PTPRD: variants seen among roughly 807,000 people sequenced by gnomAD.
The protein encoded by PTPRD is protein tyrosine phosphatase receptor type D, also known as receptor-type tyrosine-protein phosphatase delta.
Under a neutral mutation model 214.5 loss-of-function variants are expected in PTPRD, and 34 were observed. The observed-to-expected ratio is 0.16, with a 90% CI of 0.12 to 0.21. The LOEUF (loss-of-function observed/expected upper bound fraction) is 0.21, where lower values mean the gene tolerates loss of function less well. Among genes scored for constraint, PTPRD ranks in the 10% least tolerant of loss-of-function variants. The pLI is 1.00. For missense variants in PTPRD, 2,545 were observed against 2,398.7 expected (o/e 1.06, Z -1.27); for synonymous variants, 1,128 against 845.7 (o/e 1.33, Z -5.79).
intron 43 of PTPRD, among the ~76,000 whole-genome samples, chr9:8,337,457 G>A (rs895439312): frequency 4.6e-5 from 7 of 151,326 alleles, no homozygotes; most frequent in Non-Finnish European, 8.8e-5. Context: ...TTGCGGGTTT[G>A]GAGTCTAGGG....
At chr9:9,559,987 G>C (rs142308211) in intron 8 of PTPRD, among the ~76,000 whole-genome samples, 29 of 152,300 alleles carry the variant, frequency 1.9e-4, no homozygotes, top group African/African-American at 7.0e-4. Context: ...GGATTGCCAA[G>C]TCCACATGTG....
chr9:10,592,026 C>T (rs1466463573), intron 2 of PTPRD, among the ~76,000 whole-genome samples: 1 of 152,094 alleles, frequency 6.6e-6, no homozygotes, highest in East Asian at 1.9e-4. Context: ...TTTTAAGTCA[C>T]TCAGCATAAG....
At chr9:10,333,202 T>G (rs1428795247) in intron 3 of PTPRD, among the ~76,000 whole-genome samples, 2 of 151,750 alleles carry the variant, frequency 1.3e-5, no homozygotes, top group Non-Finnish European at 2.9e-5. Flanking sequence ...CTCCGATTAG[T>G]GCAGTTTGCC....
At chr9:9,584,819 G>C (rs1037580271) in intron 7 of PTPRD, among the ~76,000 whole-genome samples, 1 of 151,700 alleles carries the variant, frequency 6.6e-6, no homozygotes, top group African/African-American at 2.4e-5. Flanking sequence ...TATCTCTCTG[G>C]AGAACTTTGC....
chr9:9,767,081 C>T (rs2098712886), intron 5 of PTPRD, among the ~76,000 whole-genome samples: 1 of 151,184 alleles, frequency 6.6e-6, no homozygotes, highest in African/African-American at 2.4e-5. Flanking sequence ...TAATTTGAAC[C>T]CAAAGGACTT....
At chr9:10,334,343 C>T (rs1362676860) in intron 3 of PTPRD, among the ~76,000 whole-genome samples, 2 of 151,534 alleles carry the variant, frequency 1.3e-5, no homozygotes, top group Non-Finnish European at 3.0e-5. Flanking sequence ...TTGACAAAAT[C>T]CAACTTCCAC....
chr9:9,534,190 T>C (rs532902983), intron 8 of PTPRD, among the ~76,000 whole-genome samples: 2 of 152,264 alleles, frequency 1.3e-5, no homozygotes, highest in Admixed American at 1.3e-4. Context: ...TTCTGACAGC[T>C]ATAACTTGTT....
At chr9:8,910,565 G>A (rs2098740191) in intron 11 of PTPRD, among the ~76,000 whole-genome samples, 1 of 152,028 alleles carries the variant, frequency 6.6e-6, no homozygotes, top group South Asian at 2.1e-4. Flanking sequence ...GCACTGCCTT[G>A]GGACTCTGCA....
At chr9:9,722,601 G>C (rs1241337772) in intron 7 of PTPRD, among the ~76,000 whole-genome samples, 1 of 151,972 alleles carries the variant, frequency 6.6e-6, no homozygotes, top group Non-Finnish European at 1.5e-5. Context: ...GAATTTCCAA[G>C]TCACGTAGTA....
intron 4 of PTPRD, among the ~76,000 whole-genome samples, chr9:10,017,838 T>C (rs565835338): frequency 2.0e-5 from 3 of 152,180 alleles, no homozygotes; most frequent in East Asian, 1.9e-4. Flanking sequence ...CTTTCCCCAA[T>C]TGAATGCCCT....
At chr9:8,490,328 C>A (rs1029489781) in intron 27 of PTPRD, among the ~76,000 whole-genome samples, 1 of 152,134 alleles carries the variant, frequency 6.6e-6, no homozygotes, top group Non-Finnish European at 1.5e-5. Context: ...AGAATTGGTA[C>A]GTATGTGTGG....
At chr9:8,757,716 G>C (rs2094123436) in intron 11 of PTPRD, among the ~76,000 whole-genome samples, 1 of 149,056 alleles carries the variant, frequency 6.7e-6, no homozygotes, top group African/African-American at 2.5e-5. Context: ...AAAGGAAAAA[G>C]ATTAGAACTA....
At chr9:9,842,822 T>A (rs553047682) in intron 5 of PTPRD, among the ~76,000 whole-genome samples, 49 of 152,132 alleles carry the variant, frequency 3.2e-4, no homozygotes, top group African/African-American at 1.1e-3. Flanking sequence ...GTATTTTATT[T>A]GATCTTCAGT....
At chr9:9,938,013 T>C (rs2090176311) in intron 5 of PTPRD, among the ~76,000 whole-genome samples, 1 of 151,736 alleles carries the variant, frequency 6.6e-6, no homozygotes, top group Non-Finnish European at 1.5e-5. Flanking sequence ...AATCGAGGAG[T>C]CTTTTGAGTT....
intron 14 of PTPRD, among the ~76,000 whole-genome samples, chr9:8,566,867 C>T (rs958083475): frequency 1.1e-4 from 16 of 152,152 alleles, no homozygotes; most frequent in Admixed American, 1.0e-3. Context: ...AGTCTCCAGC[C>T]TGGACACTGC....
At chr9:9,528,563 C>A (rs188279248) in intron 8 of PTPRD, among the ~76,000 whole-genome samples, 20 of 151,976 alleles carry the variant, frequency 1.3e-4, no homozygotes, top group Admixed American at 1.1e-3. Flanking sequence ...AGACATATTG[C>A]GAGAATTTTC....
intron 5 of PTPRD, among the ~76,000 whole-genome samples, chr9:9,880,828 C>T (rs1472243572): frequency 6.6e-6 from 1 of 152,122 alleles, no homozygotes; most frequent in African/African-American, 2.4e-5. Context: ...ACTGATGCTG[C>T]TTTGACCTTT....
At chr9:9,028,840 T>C (rs983489507) in intron 10 of PTPRD, among the ~76,000 whole-genome samples, 1 of 151,898 alleles carries the variant, frequency 6.6e-6, no homozygotes, top group African/African-American at 2.4e-5. Context: ...CGAGTTAGAA[T>C]TTAAGTGAGA....
intron 2 of PTPRD, among the ~76,000 whole-genome samples, chr9:10,497,237 T>G (rs2042337025): frequency 6.6e-6 from 1 of 151,982 alleles, no homozygotes. Flanking sequence ...TACCCCTAAC[T>G]TCAGCATCAT....
Sources: gnomAD v4.1 joint callset for allele counts (sites outside exome capture counted in the v4.1 genomes callset) on GRCh38, gnomAD v4.1.1 for gene constraint, MANE v1.5 for transcripts, NCBI Gene and HGNC (gene_info 2026-07-23, HGNC 2026-07-21) for gene names.